Variants in TAFA2 observed in about 807,000 individuals in gnomAD.
TAFA2 encodes TAFA chemokine like family member 2.
TAFA2 carries 7 observed loss-of-function variants against 18.8 expected under a neutral mutation model. The ratio of observed to expected loss-of-function variants is 0.37; its 90% confidence interval spans 0.21 to 0.70. TAFA2 has a LOEUF of 0.70. Ranked by LOEUF, TAFA2 falls within the 30% of genes least tolerant of loss-of-function variation. The pLI, the probability that TAFA2 is intolerant of heterozygous loss-of-function variation, is 0.53. For synonymous variants in TAFA2, 60 were observed against 54.2 expected, an observed-to-expected ratio of 1.11 and a Z score of -0.47; for missense variants, 122 against 158.1, an observed-to-expected ratio of 0.77 and a Z score of 1.23.
intron 1 of TAFA2, among the ~76,000 whole-genome samples, chr12:61,941,874 G>A (rs1189117155): frequency 6.6e-6 from 1 of 152,216 alleles, no homozygotes; most frequent in South Asian, 2.1e-4. Context: ...CGAGGCTGGG[G>A]GAGGGGCGCC....
intron 4 of TAFA2, among the ~76,000 whole-genome samples, chr12:61,739,583 TACA>T (rs1868365879): frequency 6.6e-6 from 1 of 152,038 alleles, no homozygotes. Flanking sequence ...ATTACGTAGG[TACA>T]ACGTGAATTA....
chr12:62,097,847 A>G (rs1869016204), intron 1 of TAFA2, among the ~76,000 whole-genome samples: 1 of 152,126 alleles, frequency 6.6e-6, no homozygotes, highest in South Asian at 2.1e-4. Context: ...AACAATCAGC[A>G]TGAGAAAAGT....
intron 1 of TAFA2, among the ~76,000 whole-genome samples, chr12:62,056,872 G>T (rs1163416106): frequency 6.6e-6 from 1 of 152,180 alleles, no homozygotes; most frequent in Non-Finnish European, 1.5e-5. Flanking sequence ...GGGCCCGAAG[G>T]CGCTTCTAAT....
At chr12:61,802,819 A>G (rs1008363012) in intron 2 of TAFA2, among the ~76,000 whole-genome samples, 1 of 152,096 alleles carries the variant, frequency 6.6e-6, no homozygotes, top group Non-Finnish European at 1.5e-5. Flanking sequence ...ATCATTACAC[A>G]TTGTATATAT....
intron 1 of TAFA2, among the ~76,000 whole-genome samples, chr12:62,157,554 C>T (rs1378439208): frequency 6.6e-6 from 1 of 151,990 alleles, no homozygotes; most frequent in Non-Finnish European, 1.5e-5. Context: ...TCCAGTCTGC[C>T]CTACCTGGCT....
At chr12:61,729,084 C>A (rs531248228) in intron 4 of TAFA2, among the ~76,000 whole-genome samples, 1 of 151,778 alleles carries the variant, frequency 6.6e-6, no homozygotes, top group Admixed American at 6.6e-5. Flanking sequence ...TCTCTTCTAG[C>A]TTGTATAGTT....
intron 1 of TAFA2, among the ~76,000 whole-genome samples, chr12:62,163,608 TTTAAA>T (rs2062420230): frequency 6.6e-6 from 1 of 152,136 alleles, no homozygotes; most frequent in African/African-American, 2.4e-5. Context: ...GTCTTACCTA[TTTAAA>T]GATGATTTGT....
At chr12:61,789,459 C>T (rs1043750275) in intron 2 of TAFA2, among the ~76,000 whole-genome samples, 1 of 151,760 alleles carries the variant, frequency 6.6e-6, no homozygotes, top group Non-Finnish European at 1.5e-5. Flanking sequence ...CCAAACACTG[C>T]ATGTTCTCTC....
chr12:61,838,445 A>C (rs1257795725), intron 2 of TAFA2, among the ~76,000 whole-genome samples: 1 of 152,066 alleles, frequency 6.6e-6, no homozygotes, highest in Non-Finnish European at 1.5e-5. Context: ...CATTCCAGAC[A>C]GAGAAGACAA....
At chr12:61,867,504 C>T (rs1874410071) in intron 1 of TAFA2, 78 bp from the exon 2 acceptor site, 2 of 832,092 alleles carry the variant, frequency 2.4e-6, no homozygotes, top group African/African-American at 1.7e-5. Context: ...ACATGTAAAG[C>T]CTTCCACTAT....
intron 2 of TAFA2, among the ~76,000 whole-genome samples, chr12:61,795,668 A>G (rs1487045782): frequency 2.0e-5 from 3 of 152,066 alleles, no homozygotes; most frequent in Non-Finnish European, 4.4e-5. Flanking sequence ...TGGCACATGT[A>G]TACATATGTA....
intron 1 of TAFA2, among the ~76,000 whole-genome samples, chr12:62,097,002 T>C (rs1407236417): frequency 3.3e-5 from 5 of 152,148 alleles, no homozygotes; most frequent in African/African-American, 1.2e-4. Context: ...GAATGTCTCC[T>C]GTTTAACACC....
At chr12:62,158,537 T>A (rs2062386625) in intron 1 of TAFA2, among the ~76,000 whole-genome samples, 1 of 152,140 alleles carries the variant, frequency 6.6e-6, no homozygotes, top group South Asian at 2.1e-4. Context: ...GTAAAGTGAG[T>A]CCTCTCAAAC....
intron 1 of TAFA2, among the ~76,000 whole-genome samples, chr12:62,033,319 C>T (rs1345834703): frequency 6.6e-6 from 1 of 152,116 alleles, no homozygotes; most frequent in African/African-American, 2.4e-5. Flanking sequence ...ATTCCCAAAA[C>T]CCTAATATTA....
At chr12:61,947,220 CA>C (rs950685472) in intron 1 of TAFA2, among the ~76,000 whole-genome samples, 1 of 147,224 alleles carries the variant, frequency 6.8e-6, no homozygotes, top group African/African-American at 2.5e-5. Flanking sequence ...AAAAACCAAA[CA>C]CCGCATATTC....
chr12:62,116,649 G>A (rs1278595802), intron 1 of TAFA2, among the ~76,000 whole-genome samples: 1 of 147,140 alleles, frequency 6.8e-6, no homozygotes, highest in South Asian at 2.1e-4. Flanking sequence ...ACGTACATCT[G>A]TGATGTACAG....
chr12:62,062,782 A>G (rs983430813), intron 1 of TAFA2, among the ~76,000 whole-genome samples: 8 of 152,168 alleles, frequency 5.3e-5, no homozygotes, highest in African/African-American at 1.9e-4. Flanking sequence ...TGCTGACAAA[A>G]TTAAGGTCCT....
intron 1 of TAFA2, among the ~76,000 whole-genome samples, chr12:62,124,581 A>G (rs1046712124): frequency 6.6e-6 from 1 of 152,210 alleles, no homozygotes; most frequent in Admixed American, 6.6e-5. Context: ...TTATAAAAGG[A>G]GAATGGTTAA....
At chr12:61,715,913 T>C (rs1168871717) in intron 4 of TAFA2, among the ~76,000 whole-genome samples, 1 of 146,132 alleles carries the variant, frequency 6.8e-6, no homozygotes, top group Non-Finnish European at 1.5e-5. Flanking sequence ...TGAGACTGTC[T>C]AAAAAAAAAA....
Sources: allele counts gnomAD v4.1 joint callset (sites outside exome capture counted in the v4.1 genomes callset), GRCh38; gene constraint gnomAD v4.1.1; transcripts MANE v1.5; gene names NCBI Gene and HGNC (gene_info 2026-07-23, HGNC 2026-07-21).